Variants in BCLAF1 observed in about 807,000 individuals in gnomAD.
BCLAF1 encodes the protein BCL2 associated transcription factor 1.
Under a neutral mutation model 99.5 loss-of-function variants are expected in BCLAF1, and 10 were observed. The observed-to-expected ratio is 0.10, with a 90% CI of 0.06 to 0.17. The LOEUF is 0.17. Ranked by LOEUF, BCLAF1 falls within the 10% of genes least tolerant of loss-of-function variation. The pLI, the probability that BCLAF1 is intolerant of heterozygous loss-of-function variation, is 1.00. For missense variants in BCLAF1, 636 were observed against 1,105.8 expected, an observed-to-expected ratio of 0.58 and a Z score of 6.02; for synonymous variants, 255 against 370.9, an observed-to-expected ratio of 0.69 and a Z score of 3.59.
At chr6:136,281,833 C>G (rs1050602170) in intron 2 of BCLAF1, among the ~76,000 whole-genome samples, 3 of 152,150 alleles carry the variant, frequency 2.0e-5, no homozygotes, top group South Asian at 2.1e-4. Flanking sequence ...TTGTGGCACA[C>G]GAGCACAACA....
chr6:136,283,421 G>T (rs1050057672), intron 1 of BCLAF1, among the ~76,000 whole-genome samples: 2 of 151,996 alleles, frequency 1.3e-5, no homozygotes, highest in Non-Finnish European at 2.9e-5. Flanking sequence ...AGAACAGTCA[G>T]CAATGAAACT....
intron 1 of BCLAF1, among the ~76,000 whole-genome samples, chr6:136,286,990 C>T (rs1785226620): frequency 6.6e-6 from 1 of 150,428 alleles, no homozygotes; most frequent in Non-Finnish European, 1.5e-5. Context: ...ACTAGCCGGC[C>T]TTTGTGGTGT....
At chr6:136,263,114 A>G (rs1309009392) in intron 11 of BCLAF1, among the ~76,000 whole-genome samples, 2 of 152,078 alleles carry the variant, frequency 1.3e-5, no homozygotes, top group Admixed American at 6.6e-5. Flanking sequence ...CCTCACAACA[A>G]CCCTCTAAGA....
At chr6:136,273,883 A>G in intron 6 of BCLAF1, 1 of 795,488 alleles carries the variant, frequency 1.3e-6, no homozygotes, top group East Asian at 6.8e-5. Flanking sequence ...AAAGACGTAT[A>G]AAGTCATGAG....
chr6:136,269,746 G>A, intron 8 of BCLAF1, 134 bp from the exon 9 acceptor site: 1 of 581,942 alleles, frequency 1.7e-6, no homozygotes, highest in Non-Finnish European at 2.7e-6. Flanking sequence ...AATCATATAA[G>A]ATACTATCAC....
At chr6:136,273,364 G>A (rs1782813778) in intron 6 of BCLAF1, 177 bp from the exon 7 acceptor site, 1 of 557,588 alleles carries the variant, frequency 1.8e-6, no homozygotes, top group East Asian at 3.0e-5. Flanking sequence ...CAACAGGAGA[G>A]TGTTTCGAAA....
chr6:136,271,057 A>G (rs1349359197), intron 8 of BCLAF1, among the ~76,000 whole-genome samples: 1 of 151,822 alleles, frequency 6.6e-6, no homozygotes, highest in Non-Finnish European at 1.5e-5. Context: ...ATGCCCTATT[A>G]AACTTGTATA....
At chr6:136,275,006 A>G (rs1277972090) in intron 6 of BCLAF1, among the ~76,000 whole-genome samples, 1 of 152,040 alleles carries the variant, frequency 6.6e-6, no homozygotes, top group Non-Finnish European at 1.5e-5. Context: ...AAATCCTGAT[A>G]AATTTTCTTG....
Position 136,259,613 on chromosome 6 carries a change from T to A in BCLAF1, c.*1497A>T, listed in dbSNP as rs2128462931. 6.6e-6 allele frequency: 1 copy of A among 152,120 alleles called. No homozygotes were observed. The highest frequency in any genetic ancestry group is 1.5e-5 in the Non-Finnish European group (1 of 67,862). The allele number at this position is 152,120 out of a possible 1,614,324, so 9.4% of individuals were successfully genotyped here. ...ACTAAGGATCTGAGGGCCATAAACA[T>A]CACATATGTTGAGTTTGCTTTTAGT... On this transcript the variant is annotated 3_prime_UTR_variant, in exon 13 of 13. Transcript: ENST00000531224.
At chr6:136,284,951 G>A (rs943404969) in intron 1 of BCLAF1, among the ~76,000 whole-genome samples, 2 of 152,130 alleles carry the variant, frequency 1.3e-5, no homozygotes, top group Non-Finnish European at 2.9e-5. Context: ...AGGGAACACT[G>A]CAAAGATTCA....
At chr6:136,278,994 AACACACACACACAC>A (rs71006795) in intron 3 of BCLAF1, among the ~76,000 whole-genome samples, 2 of 145,406 alleles carry the variant, frequency 1.4e-5, no homozygotes, top group African/African-American at 5.1e-5. Context: ...GAAGGCACAA[AACACACACACACAC>A]ACACACACAC....
At chr6:136,261,585 T>C (rs552324763) in intron 11 of BCLAF1, 108 bp from the exon 12 acceptor site, 7 of 1,137,166 alleles carry the variant, frequency 6.2e-6, no homozygotes, top group East Asian at 4.8e-5. Context: ...GTATATGAGA[T>C]TGGTAATATT....
At chr6:136,281,483 CA>C (rs1784377601) in intron 2 of BCLAF1, among the ~76,000 whole-genome samples, 5 of 152,090 alleles carry the variant, frequency 3.3e-5, no homozygotes, top group Admixed American at 3.3e-4. Context: ...CTGTCCCTCC[CA>C]AAGTTTTTAA....
Position 136,276,489 on chromosome 6 carries a change from T to C in BCLAF1, c.1036A>G (p.Arg346Gly), listed in dbSNP as rs1168490700. ...FLKRFTDEES[R>G]VFLLDRGNTR... ...TTACCCCTATCAAGCAGGAATACTC[T>C]AGACTCTTCATCTGTGAACCTGCGA... The change falls in exon 5 of 13, where the codon AGA becomes GGA. Residue 346 changes from arginine (R) to glycine (G), a missense_variant. Arg to Gly is a moderately radical substitution (Grantham distance 125, BLOSUM62 -2). Transcript: ENST00000531224. 2 of 1,576,128 alleles carry C rather than the reference T, an allele frequency of 1.3e-6. No homozygotes were observed. The highest frequency in any genetic ancestry group is 1.7e-6 in the Non-Finnish European group (2 of 1,166,762).
chr6:136,269,583 A>G lies in BCLAF1; in HGVS notation c.2073T>C (p.Ala691=). Residue 691 remains alanine, a synonymous_variant, in exon 9 of 13, where the codon GCT becomes GCC. Transcript: ENST00000531224. ...GGCGATCAATGTCATGCCGAAGGTC[A>G]GCAGAGTCACACCTTAATTTTTTAT... The part of the protein sequence containing the change: ...KGDKKLRCDS[A]DLRHDIDRRR... 1 of 1,607,442 alleles carries G rather than the reference A, an allele frequency of 6.2e-7. No individual in the cohort carries two copies. Among genetic ancestry groups the G allele is most frequent in the East Asian group, 2.2e-5 (1 of 44,794 alleles).
rs1450966244 is a variant in BCLAF1 at position 136,258,070 on chromosome 6, G to A, written c.*3040C>T. 4 of 152,048 alleles carry A rather than the reference G, an allele frequency of 2.6e-5. No individual in the cohort carries two copies. Among genetic ancestry groups the A allele is most frequent in the Admixed American group, 6.6e-5 (1 of 15,266 alleles). The allele number at this position is 152,048 out of a possible 1,614,324, so 9.4% of individuals were successfully genotyped here. Reference sequence around the variant, plus strand: ...AAGGACTAATTTGCCATTTGTATGAGTCAAAATGTGTCAGTTTGTCTTAGT... The same window carrying A: ...AAGGACTAATTTGCCATTTGTATGAATCAAAATGTGTCAGTTTGTCTTAGT... On this transcript the variant is annotated 3_prime_UTR_variant, in exon 13 of 13. Coordinates refer to ENST00000531224, the MANE Select transcript of BCLAF1 (RefSeq NM_014739.3).
In BCLAF1 at chr6:136,260,614, C is replaced by G. The variant is rs1780838066; in HGVS notation, c.*496G>C. The G allele has an allele frequency of 6.4e-6, 1 of 156,626 alleles. No individual in the cohort carries two copies. Among genetic ancestry groups the G allele is most frequent in the Non-Finnish European group, 1.4e-5 (1 of 71,234 alleles). 9.7% of individuals were successfully genotyped at this position (156,626 alleles called of 1,614,324 possible). Reference sequence around the variant, plus strand: ...GTTTACCATAGTAACAACTTTTTGTCTGTGGTATACTTCAAAAATCAGTCA... The same window carrying G: ...GTTTACCATAGTAACAACTTTTTGTGTGTGGTATACTTCAAAAATCAGTCA... On this transcript the variant is annotated 3_prime_UTR_variant, in exon 13 of 13. Coordinates refer to ENST00000531224, the MANE Select transcript of BCLAF1 (RefSeq NM_014739.3).
rs745769861 is a variant in BCLAF1, at chr6:136,273,174, C to G, written c.1866G>C (p.Lys622Asn). 20 of 1,611,624 alleles carry G rather than the reference C, an allele frequency of 1.2e-5. No individual in the cohort carries two copies. In the Admixed American group the frequency reaches 3.2e-4, roughly 26 times the overall value. ...GCTCGTTTAGGGTCATTGCAGCTGACTTGAAGTATTGCTCTGTTGATTTAG... is the reference window on the plus strand; with the variant it reads ...GCTCGTTTAGGGTCATTGCAGCTGAGTTGAAGTATTGCTCTGTTGATTTAG... ...LVHHVKEQYF[K>N]SAAMTLNERF... Residue 622 changes from lysine (K) to asparagine (N), a missense_variant, in exon 7 of 13, where the codon AAG (lysine) becomes AAC (asparagine). Coordinates refer to ENST00000531224, the MANE Select transcript of BCLAF1 (RefSeq NM_014739.3).
chr6:136,274,439 G>C (rs1457903611), intron 6 of BCLAF1, among the ~76,000 whole-genome samples: 1 of 151,592 alleles, frequency 6.6e-6, no homozygotes, highest in Non-Finnish European at 1.5e-5. Flanking sequence ...CATATTTTAT[G>C]TACCACAGTA....
Sources: allele counts gnomAD v4.1 joint callset (sites outside exome capture counted in the v4.1 genomes callset), GRCh38; gene constraint gnomAD v4.1.1; transcripts MANE v1.5; gene names NCBI Gene and HGNC (gene_info 2026-07-23, HGNC 2026-07-21).